Variants in LAMA1 observed in about 807,000 individuals in gnomAD.
The protein encoded by LAMA1 is laminin subunit alpha-1.
LAMA1 carries 219 observed loss-of-function variants against 348.7 expected under a neutral mutation model. That is an observed-to-expected ratio of 0.63 (90% confidence interval 0.56 to 0.70). LAMA1 has a LOEUF of 0.70. Among genes scored for constraint, LAMA1 ranks in the 30% least tolerant of loss-of-function variants. The pLI is 0.00. For synonymous variants in LAMA1, 1,487 were observed against 1,491.0 expected, an observed-to-expected ratio of 1.00 and a Z score of 0.06; for missense variants, 3,744 against 3,888.0, an observed-to-expected ratio of 0.96 and a Z score of 0.99.
intron 3 of LAMA1, among the ~76,000 whole-genome samples, chr18:7,057,471 C>CTTTTTTTTT (rs552843703): frequency 4.3e-4 from 39 of 90,808 alleles, no homozygotes; most frequent in Non-Finnish European, 6.6e-4. Flanking sequence ...CTTTTCTTTT[C>CTTTTTTTTT]TTTTTTTTTT....
chr18:7,013,892 C>A lies in LAMA1; in HGVS notation c.3286G>T (p.Gly1096Trp), dbSNP rs771234772. Residue 1096 changes from glycine (G) to tryptophan (W), a missense_variant, in exon 23 of 63, where the codon GGG (glycine) becomes TGG (tryptophan). Gly to Trp is a radical substitution (Grantham distance 184, BLOSUM62 -2). This residue lies in a region of LAMA1 where 1,529 missense variants were observed against 1,689.4 expected (regional missense o/e 0.91). Transcript: ENST00000389658. ...DCVPCDCDLRGTSGDACNLEQ... is the reference protein window; with the variant it reads ...DCVPCDCDLRWTSGDACNLEQ... ...AGGTTGCAGGCGTCCCCCGACGTCC[C>A]CCTCAGGTCACAGTCACAGGGAACA... The A allele has an allele frequency of 1.2e-6, 2 of 1,613,184 alleles. No individual in the cohort carries two copies. The highest frequency in any genetic ancestry group is 1.7e-6 in the Non-Finnish European group (2 of 1,179,602).
chr18:6,992,590 C>T lies in LAMA1; in HGVS notation c.5139G>A (p.Gln1713=). Residue 1713 remains glutamine, a synonymous_variant, in exon 36 of 63, where the codon CAG becomes CAA. Transcript: ENST00000389658. ...GTTCAAGGGTGGCATTTTGGTGCAACTGTGTGAAGTCTCTTATCTGCATGA... is the reference window on the plus strand; with the variant it reads ...GTTCAAGGGTGGCATTTTGGTGCAATTGTGTGAAGTCTCTTATCTGCATGA... ...LEIMQIRDFT[Q]LHQNATLELK... The T allele has an allele frequency of 6.2e-7, 1 of 1,614,176 alleles. No individual in the cohort carries two copies. The highest frequency in any genetic ancestry group is 1.1e-5 in the South Asian group (1 of 91,078).
At chr18:7,094,283 G>A (rs1286598775) in intron 1 of LAMA1, among the ~76,000 whole-genome samples, 6 of 151,728 alleles carry the variant, frequency 4.0e-5, no homozygotes, top group Non-Finnish European at 8.8e-5. Flanking sequence ...AATGAGCCGC[G>A]CGTGGTGGCA....
In LAMA1 at chr18:7,038,504, C is replaced by G. The variant is rs556392991; in HGVS notation, c.1563+306G>C. 1.0e-2 allele frequency: 4,193 copies of G among 420,990 alleles called. 100 individuals are homozygous for G. Among genetic ancestry groups the G allele is most frequent in the African/African-American group, 0.059 (2,927 of 49,300 alleles). 26.1% of individuals were successfully genotyped at this position (420,990 alleles called of 1,614,324 possible). Reference sequence around the variant, plus strand: ...CTCCCAGGCCTGAGAGCAGCAGGGGCGGGCGGAGGGAGAGCCGACCTCCCC... The same window carrying G: ...CTCCCAGGCCTGAGAGCAGCAGGGGGGGGCGGAGGGAGAGCCGACCTCCCC... On this transcript the variant is annotated intron_variant, in intron 11 of 62. Coordinates refer to ENST00000389658, the MANE Select transcript of LAMA1 (RefSeq NM_005559.4).
intron 31 of LAMA1, 101 bp downstream of exon 31, chr18:6,999,810 T>A: frequency 7.8e-7 from 1 of 1,274,032 alleles, no homozygotes; most frequent in East Asian, 2.3e-5. Context: ...TCCAAACTGA[T>A]AATTGATAAT....
chr18:7,013,245 A>G (rs1180666196), intron 23 of LAMA1, among the ~76,000 whole-genome samples: 2 of 151,990 alleles, frequency 1.3e-5, no homozygotes, highest in African/African-American at 4.8e-5. Flanking sequence ...TTTCCTTCCT[A>G]TCTCCAGTCA....
intron 50 of LAMA1, 117 bp from the exon 51 acceptor site, chr18:6,964,920 CGA>C: frequency 2.6e-6 from 3 of 1,165,946 alleles, no homozygotes; most frequent in Non-Finnish European, 3.7e-6. Flanking sequence ...TTAGATTCTG[CGA>C]ATTTGATCAG....
At chr18:7,027,439 C>T (rs475598) in intron 16 of LAMA1, among the ~76,000 whole-genome samples, 75,580 of 151,734 alleles carry the variant, frequency 0.5, 21,635 homozygotes, top group African/African-American at 0.8. Context: ...CTACGTACCA[C>T]TCTTATTCTT....
intron 41 of LAMA1, among the ~76,000 whole-genome samples, 186 bp downstream of exon 41, chr18:6,982,311 A>G (rs2057715271): frequency 6.6e-6 from 1 of 152,246 alleles, no homozygotes; most frequent in South Asian, 2.1e-4. Flanking sequence ...GCCAAATTAT[A>G]TGAAGTTTAT....
At chr18:6,978,103 G>C in intron 43 of LAMA1, 93 bp downstream of exon 43, 2 of 1,516,866 alleles carry the variant, frequency 1.3e-6, no homozygotes, top group Non-Finnish European at 9.2e-7. Flanking sequence ...TACTTTTCAG[G>C]AATGTTGTGA....
At chr18:7,059,134 C>A (rs2058093549) in intron 3 of LAMA1, among the ~76,000 whole-genome samples, 1 of 152,242 alleles carries the variant, frequency 6.6e-6, no homozygotes, top group Non-Finnish European at 1.5e-5. Flanking sequence ...AGGTGATCCA[C>A]CTGCCTCGGC....
At position 6,948,497 on chromosome 18, in the gene LAMA1, G is replaced by C. The variant is rs2057532157; in HGVS notation, c.8616C>G (p.Asp2872Glu). Reference sequence around the variant, plus strand: ...TGAAGGCAGACACCGGGCTGTCCTTGTCCAGCTGTTTGCTGTTAACCGTCA... The same window carrying C: ...TGAAGGCAGACACCGGGCTGTCCTTCTCCAGCTGTTTGCTGTTAACCGTCA... ...GDVTVNSKQL[D>E]KDSPVSAFTV... The change falls in exon 60 of 63, where the codon GAC becomes GAG. Residue 2872 changes from aspartate to glutamate, a missense_variant. By Grantham distance (45) the Asp-to-Glu change is conservative. Transcript: ENST00000389658. 3.7e-6 allele frequency: 6 copies of C among 1,614,194 alleles called. No homozygotes were observed. The highest frequency in any genetic ancestry group is 5.1e-6 in the Non-Finnish European group (6 of 1,180,042).
chr18:6,945,883 G>C (rs2057519320), intron 61 of LAMA1, among the ~76,000 whole-genome samples: 1 of 152,050 alleles, frequency 6.6e-6, no homozygotes, highest in Non-Finnish European at 1.5e-5. Context: ...CTGTCCACTA[G>C]AGAGCCCACA....
chr18:7,033,052 C>A lies in LAMA1; in HGVS notation c.2095G>T (p.Asp699Tyr), dbSNP rs753544600. Residue 699 changes from aspartate (D) to tyrosine (Y), a missense_variant, in exon 15 of 63, where the codon GAC becomes TAC. Asp to Tyr is a radical substitution (Grantham distance 160). This residue lies in a region of LAMA1 where 1,529 missense variants were observed against 1,689.4 expected (regional missense o/e 0.91). Transcript: ENST00000389658. ...SLDIASSNAIDLVVAADVEHC... is the reference protein window; with the variant it reads ...SLDIASSNAIYLVVAADVEHC... ...TCCACATCAGCGGCCACCACCAGGT[C>A]GATGGCATTAGAGCTGGCTATGTCC... 4 of 1,612,408 alleles carry A rather than the reference C, an allele frequency of 2.5e-6. No homozygotes were observed. Among genetic ancestry groups the A allele is most frequent in the Non-Finnish European group, 3.4e-6 (4 of 1,179,332 alleles).
intron 1 of LAMA1, among the ~76,000 whole-genome samples, chr18:7,081,182 G>A (rs1402331998): frequency 6.6e-6 from 1 of 151,926 alleles, no homozygotes; most frequent in Non-Finnish European, 1.5e-5. Flanking sequence ...AAAAACCAAG[G>A]CGAGAGTATG....
rs1276776924 is a variant in LAMA1, at chr18:7,002,877, TTTTC to T, written c.4261-496_4261-493del. ...CCAACAACTAACTTCCAGTTAATTT[TTTTC>T]TTTCTTTTTTTTTTTTAAGGACGAG... On this transcript the variant is annotated intron_variant, in intron 29 of 62. Coordinates refer to ENST00000389658, the MANE Select transcript of LAMA1 (RefSeq NM_005559.4). 5.1e-5 allele frequency among the ~76,000 whole-genome samples: 7 copies of T among 136,676 alleles called. No homozygotes were observed. In the East Asian group the frequency reaches 1.4e-3, roughly 27 times the overall value. The allele number at this position is 136,676 out of a possible 152,430, so 89.7% of individuals were successfully genotyped here.
At chr18:7,026,489 C>T (rs868685622) in intron 16 of LAMA1, among the ~76,000 whole-genome samples, 56 of 152,094 alleles carry the variant, frequency 3.7e-4, no homozygotes, top group Admixed American at 2.3e-3. Context: ...TTTTTAGTTG[C>T]AAAAGGAAAG....
intron 3 of LAMA1, 97 bp from the exon 4 acceptor site, chr18:7,051,033 A>C: frequency 1.3e-6 from 2 of 1,484,098 alleles, no homozygotes; most frequent in Admixed American, 1.9e-5. Flanking sequence ...GTAGAATCTA[A>C]GATAGTTGAA....
At position 6,978,459 on chromosome 18, in the gene LAMA1, C is replaced by T. The variant is rs368500957; in HGVS notation, c.6008-81G>A. On this transcript the variant is annotated intron_variant, in intron 42 of 62. Transcript: ENST00000389658. The stretch of plus-strand genomic sequence containing the variant: ...AATAAAACGACAACAAATGTAATTT[C>T]GCACAGAAATATATTATTGTCATAT... The T allele has an allele frequency of 4.1e-4, 522 of 1,271,342 alleles. 1 individual carries two copies. Among genetic ancestry groups the T allele is most frequent in the African/African-American group, 8.5e-4 (58 of 67,846 alleles). 78.8% of individuals were successfully genotyped at this position (1,271,342 alleles called of 1,614,324 possible).
Sources: allele counts gnomAD v4.1 joint callset (sites outside exome capture counted in the v4.1 genomes callset), GRCh38; gene constraint gnomAD v4.1.1; regional missense constraint gnomAD v4.1.1; transcripts MANE v1.5; gene names NCBI Gene and HGNC (gene_info 2026-07-23, HGNC 2026-07-21).